DLG2: variants seen among roughly 807,000 people sequenced by gnomAD.
The protein encoded by DLG2 is disks large homolog 2.
In DLG2, 45 loss-of-function variants were observed where a neutral mutation model predicts 132.5. The observed-to-expected ratio is 0.34, with a 90% CI of 0.27 to 0.44. The LOEUF is 0.44. Among genes scored for constraint, DLG2 ranks in the 20% least tolerant of loss-of-function variants. The pLI, the probability that DLG2 is intolerant of heterozygous loss-of-function variation, is 1.00. For synonymous variants in DLG2, 424 were observed against 419.6 expected (o/e 1.01, Z -0.13); for missense variants, 1,045 against 1,196.9 (o/e 0.87, Z 1.87).
intron 18 of DLG2, among the ~76,000 whole-genome samples, chr11:83,773,378 T>G (rs987549740): frequency 6.6e-6 from 1 of 152,238 alleles, no homozygotes; most frequent in Non-Finnish European, 1.5e-5. Context: ...ATACTTGTGC[T>G]AGCTAATATT....
At chr11:84,993,470 G>A (rs938080687) in intron 6 of DLG2, among the ~76,000 whole-genome samples, 3 of 152,230 alleles carry the variant, frequency 2.0e-5, no homozygotes, top group Non-Finnish European at 4.4e-5. Flanking sequence ...CAGCCAGAGT[G>A]TCTTTGCAGG....
At chr11:83,923,802 A>G (rs1053320274) in intron 15 of DLG2, among the ~76,000 whole-genome samples, 6 of 152,122 alleles carry the variant, frequency 3.9e-5, no homozygotes, top group Non-Finnish European at 5.9e-5. Flanking sequence ...CCCTGCATTC[A>G]AACTTTTCCC....
intron 11 of DLG2, among the ~76,000 whole-genome samples, chr11:83,990,721 ACTTT>A (rs2093660028): frequency 6.6e-6 from 1 of 152,142 alleles, no homozygotes; most frequent in African/African-American, 2.4e-5. Flanking sequence ...ATTTCATGTG[ACTTT>A]CTTAGGAGAG....
intron 3 of DLG2, among the ~76,000 whole-genome samples, chr11:85,528,994 G>T (rs2074997358): frequency 6.6e-6 from 1 of 152,106 alleles, no homozygotes; most frequent in Non-Finnish European, 1.5e-5. Flanking sequence ...ATACTATACA[G>T]CAATGAAAAT....
intron 6 of DLG2, among the ~76,000 whole-genome samples, chr11:84,961,845 A>T (rs1244052455): frequency 6.6e-6 from 1 of 152,184 alleles, no homozygotes; most frequent in Non-Finnish European, 1.5e-5. Context: ...TGAAGAAAGG[A>T]GTCCTGCCCA....
chr11:85,446,294 T>A (rs1468053900), intron 3 of DLG2, among the ~76,000 whole-genome samples: 1 of 152,188 alleles, frequency 6.6e-6, no homozygotes, highest in Non-Finnish European at 1.5e-5. Flanking sequence ...AAATCTAGAA[T>A]AAGCCCTATC....
intron 6 of DLG2, among the ~76,000 whole-genome samples, chr11:84,925,932 T>C (rs189101904): frequency 3.2e-3 from 492 of 152,238 alleles, no homozygotes; most frequent in Middle Eastern, 6.8e-3. Flanking sequence ...TACAGGAGCC[T>C]GAAGCCATGC....
intron 3 of DLG2, among the ~76,000 whole-genome samples, chr11:85,435,533 G>T (rs2091432209): frequency 6.6e-6 from 1 of 152,080 alleles, no homozygotes; most frequent in African/African-American, 2.4e-5. Flanking sequence ...CAAGCAGAAA[G>T]CCAAATCATG....
intron 6 of DLG2, among the ~76,000 whole-genome samples, chr11:85,028,567 G>A (rs78125491): frequency 6.6e-6 from 1 of 152,114 alleles, no homozygotes; most frequent in Admixed American, 6.5e-5. Context: ...AAGTCCAGAG[G>A]GGGGGCTGAG....
chr11:84,149,991 C>T lies in DLG2; in HGVS notation c.624+13470G>A, dbSNP rs1386168101. Among the ~76,000 whole-genome samples the T allele has an allele frequency of 3.3e-5, 5 of 152,198 alleles. No homozygotes were observed. In the South Asian group the frequency reaches 6.2e-4, roughly 19 times the overall value. On this transcript the variant is annotated intron_variant, in intron 9 of 27. Coordinates refer to ENST00000376104, the MANE Select transcript of DLG2 (RefSeq NM_001142699.3). The stretch of plus-strand genomic sequence containing the variant: ...CAGGCTGGTCTCAAACTCCTAACCT[C>T]GTGATCCACCCACCTTAGCCTCCCA...
At chr11:84,959,998 C>T (rs992300618) in intron 6 of DLG2, among the ~76,000 whole-genome samples, 10 of 152,126 alleles carry the variant, frequency 6.6e-5, no homozygotes, top group Non-Finnish European at 1.2e-4. Flanking sequence ...TAAGAATTAG[C>T]ATATAATAAA....
At position 85,574,194 on chromosome 11, in the gene DLG2, G is replaced by A. The variant is rs77099166; in HGVS notation, c.40+24463C>T. Reference sequence around the variant, plus strand: ...TAATAAAAATTTTTCATATTATTGCGCATTTCATGACCTCTTCTCCTTCAA... The same window carrying A: ...TAATAAAAATTTTTCATATTATTGCACATTTCATGACCTCTTCTCCTTCAA... On this transcript the variant is annotated intron_variant, in intron 3 of 27. Transcript: ENST00000376104. 9.5e-3 allele frequency among the ~76,000 whole-genome samples: 1,444 copies of A among 151,856 alleles called. 19 individuals carry two copies. The highest frequency in any genetic ancestry group is 0.031 in the African/African-American group (1,280 of 41,406).
At chr11:85,262,719 G>A (rs541721831) in intron 4 of DLG2, among the ~76,000 whole-genome samples, 1 of 152,096 alleles carries the variant, frequency 6.6e-6, no homozygotes, top group East Asian at 1.9e-4. Context: ...ATAAGATCTG[G>A]AAAAACTTTG....
At chr11:85,121,358 T>C (rs944924668) in intron 5 of DLG2, among the ~76,000 whole-genome samples, 5 of 151,124 alleles carry the variant, frequency 3.3e-5, no homozygotes, top group Non-Finnish European at 5.9e-5. Flanking sequence ...ACTACATTAA[T>C]ATTGTTATTC....
chr11:84,754,176 T>A (rs1466181451), intron 6 of DLG2, among the ~76,000 whole-genome samples: 1 of 152,194 alleles, frequency 6.6e-6, no homozygotes, highest in Non-Finnish European at 1.5e-5. Context: ...AGTGATTCTA[T>A]TTACCAGCAA....
At chr11:84,600,210 A>AAGAAAG (rs2099573285) in intron 6 of DLG2, among the ~76,000 whole-genome samples, 1 of 137,000 alleles carries the variant, frequency 7.3e-6, no homozygotes, top group Non-Finnish European at 1.5e-5. Flanking sequence ...GAAAGAAAGA[A>AAGAAAG]AGAAAGAAAG....
chr11:83,780,167 T>C (rs534302641), intron 18 of DLG2, among the ~76,000 whole-genome samples: 1 of 152,212 alleles, frequency 6.6e-6, no homozygotes, highest in Non-Finnish European at 1.5e-5. Flanking sequence ...GAAAGAAATA[T>C]GTCTTGCATT....
intron 6 of DLG2, among the ~76,000 whole-genome samples, chr11:84,723,914 C>CA (rs1470900370): frequency 3.9e-5 from 6 of 152,006 alleles, no homozygotes; most frequent in Admixed American, 1.3e-4. Context: ...CTCATAATTA[C>CA]AAAAAACAGG....
intron 6 of DLG2, among the ~76,000 whole-genome samples, chr11:84,578,795 A>AT (rs2099509468): frequency 6.6e-6 from 1 of 152,026 alleles, no homozygotes; most frequent in Non-Finnish European, 1.5e-5. Flanking sequence ...AAGACATGAG[A>AT]TTTTGAGGGG....
Sources: allele counts gnomAD v4.1 joint callset (sites outside exome capture counted in the v4.1 genomes callset), GRCh38; gene constraint gnomAD v4.1.1; transcripts MANE v1.5; gene names NCBI Gene and HGNC (gene_info 2026-07-23, HGNC 2026-07-21).